Variants in KCNIP4 observed in about 807,000 individuals in gnomAD.
KCNIP4 encodes potassium voltage-gated channel interacting protein 4.
In KCNIP4, 12 loss-of-function variants were observed where a neutral mutation model predicts 34.0. The ratio of observed to expected loss-of-function variants is 0.35; its 90% CI spans 0.23 to 0.57. The LOEUF (loss-of-function observed/expected upper bound fraction) is 0.57, where lower values mean the gene tolerates loss of function less well. Among genes scored for constraint, KCNIP4 ranks in the 20% least tolerant of loss-of-function variants. The pLI is 0.83. For synonymous variants in KCNIP4, 124 were observed against 102.2 expected, an observed-to-expected ratio of 1.21 and a Z score of -1.29; for missense variants, 238 against 311.7, an observed-to-expected ratio of 0.76 and a Z score of 1.78.
chr4:21,663,377 C>T (rs1182911750), intron 1 of KCNIP4, among the ~76,000 whole-genome samples: 2 of 152,096 alleles, frequency 1.3e-5, no homozygotes, highest in African/African-American at 4.8e-5. Flanking sequence ...TGCCTGTCCA[C>T]AAGGGTAGCT....
intron 1 of KCNIP4, among the ~76,000 whole-genome samples, chr4:21,935,962 T>TTATA (rs55704216): frequency 0.54 from 79,707 of 147,764 alleles, 21,787 homozygotes; most frequent in South Asian, 0.76. Context: ...GAAATGAAGA[T>TTATA]TATATATATA....
intron 3 of KCNIP4, among the ~76,000 whole-genome samples, chr4:20,775,084 T>C (rs1228857648): frequency 1.3e-5 from 2 of 152,198 alleles, no homozygotes; most frequent in Admixed American, 1.3e-4. Context: ...TAGCGTCTAC[T>C]GTGTATCAGG....
intron 1 of KCNIP4, among the ~76,000 whole-genome samples, chr4:21,237,973 A>T (rs577770094): frequency 6.6e-6 from 1 of 152,190 alleles, no homozygotes; most frequent in African/African-American, 2.4e-5. Flanking sequence ...TGATGCAAAA[A>T]TCCTCAATAA....
intron 1 of KCNIP4, among the ~76,000 whole-genome samples, chr4:20,900,624 G>A (rs1220226613): frequency 1.3e-5 from 2 of 152,104 alleles, no homozygotes; most frequent in African/African-American, 2.4e-5. Flanking sequence ...CTGTCCCTGG[G>A]AGACAAGCAC....
intron 1 of KCNIP4, among the ~76,000 whole-genome samples, chr4:21,563,425 G>A (rs1342208678): frequency 1.3e-5 from 2 of 152,084 alleles, no homozygotes; most frequent in African/African-American, 4.8e-5. Context: ...TAATCTTTCT[G>A]TGTGTTACTA....
chr4:21,067,591 G>A (rs1418776343), intron 1 of KCNIP4, among the ~76,000 whole-genome samples: 2 of 152,138 alleles, frequency 1.3e-5, no homozygotes, highest in African/African-American at 4.8e-5. Context: ...CATAAGCCTG[G>A]ATAACTTTGC....
intron 1 of KCNIP4, among the ~76,000 whole-genome samples, chr4:20,960,615 G>A (rs61457451): frequency 0.022 from 3,348 of 152,250 alleles, 123 homozygotes; most frequent in African/African-American, 0.075. Context: ...CAATCCCCTC[G>A]TCCTGAGAAG....
chr4:20,838,775 A>G (rs1190956034), intron 3 of KCNIP4, among the ~76,000 whole-genome samples: 1 of 152,192 alleles, frequency 6.6e-6, no homozygotes, highest in African/African-American at 2.4e-5. Flanking sequence ...CCTGGACCAA[A>G]CCAACTATGA....
chr4:20,895,688 C>A (rs960252383), intron 1 of KCNIP4, among the ~76,000 whole-genome samples: 1 of 152,150 alleles, frequency 6.6e-6, no homozygotes, highest in African/African-American at 2.4e-5. Flanking sequence ...AGACCCTGTG[C>A]CAGGCACCCG....
chr4:21,340,874 G>A (rs986915743), intron 1 of KCNIP4, among the ~76,000 whole-genome samples: 1 of 152,070 alleles, frequency 6.6e-6, no homozygotes, highest in Non-Finnish European at 1.5e-5. Context: ...TATATTCTAT[G>A]TGCATAGGGC....
chr4:20,776,282 T>G (rs1756360075), intron 3 of KCNIP4, among the ~76,000 whole-genome samples: 1 of 152,198 alleles, frequency 6.6e-6, no homozygotes, highest in South Asian at 2.1e-4. Context: ...CAATGCATGT[T>G]TTTGTTTTTT....
intron 1 of KCNIP4, among the ~76,000 whole-genome samples, chr4:21,628,356 A>G (rs1234201269): frequency 6.6e-6 from 1 of 152,142 alleles, no homozygotes; most frequent in Non-Finnish European, 1.5e-5. Flanking sequence ...TTGCCTGACT[A>G]TATCTCTTGT....
chr4:20,936,548 G>A (rs1731083266), intron 1 of KCNIP4, among the ~76,000 whole-genome samples: 1 of 150,244 alleles, frequency 6.7e-6, no homozygotes, highest in Non-Finnish European at 1.5e-5. Context: ...TCTGAGTCCA[G>A]TACCCTAGTA....
intron 1 of KCNIP4, among the ~76,000 whole-genome samples, chr4:21,496,943 C>CA (rs1038569603): frequency 6.6e-6 from 1 of 152,128 alleles, no homozygotes; most frequent in Non-Finnish European, 1.5e-5. Context: ...TCCCTAGTGC[C>CA]AAAAAAGTTG....
intron 1 of KCNIP4, among the ~76,000 whole-genome samples, chr4:21,760,780 G>A (rs1183344387): frequency 1.3e-5 from 2 of 151,968 alleles, no homozygotes; most frequent in Non-Finnish European, 2.9e-5. Flanking sequence ...ATTGCTTAAG[G>A]GTAGCCACAG....
At chr4:21,793,834 C>T (rs977511545) in intron 1 of KCNIP4, among the ~76,000 whole-genome samples, 8 of 152,102 alleles carry the variant, frequency 5.3e-5, no homozygotes, top group South Asian at 2.1e-4. Flanking sequence ...CACATGCACA[C>T]GTATGTTTAT....
At chr4:20,995,487 G>A (rs774161476) in intron 1 of KCNIP4, among the ~76,000 whole-genome samples, 2 of 152,138 alleles carry the variant, frequency 1.3e-5, no homozygotes, top group African/African-American at 4.8e-5. Flanking sequence ...GATCCAGAAT[G>A]GTTAAGACAC....
At chr4:21,235,572 T>C (rs886538645) in intron 1 of KCNIP4, among the ~76,000 whole-genome samples, 3 of 152,214 alleles carry the variant, frequency 2.0e-5, no homozygotes, top group Non-Finnish European at 2.9e-5. Flanking sequence ...GACTGGCTTA[T>C]AGTATGACCC....
intron 1 of KCNIP4, among the ~76,000 whole-genome samples, chr4:20,922,535 GTCTGTCTGTCTGTCTATCTA>G (rs1729493979): frequency 2.3e-5 from 2 of 86,832 alleles, no homozygotes; most frequent in East Asian, 3.3e-4. Context: ...CTGTCTGTCT[GTCTGTCTGTCTGTCTATCTA>G]TCTATCTATC....
Sources: gnomAD v4.1 joint callset for allele counts (sites outside exome capture counted in the v4.1 genomes callset) on GRCh38, gnomAD v4.1.1 for gene constraint, MANE v1.5 for transcripts, NCBI Gene and HGNC (gene_info 2026-07-23, HGNC 2026-07-21) for gene names.